Variants in DENND4C observed in about 807,000 individuals in gnomAD.
DENND4C encodes the protein DENN domain-containing protein 4C.
In DENND4C, 108 loss-of-function variants were observed where a neutral mutation model predicts 203.0. The ratio of observed to expected loss-of-function variants is 0.53; its 90% confidence interval spans 0.46 to 0.62. DENND4C has a LOEUF of 0.62. Ranked by LOEUF, DENND4C falls within the 20% of genes least tolerant of loss-of-function variation. The pLI is 0.00. For missense variants in DENND4C, 2,481 were observed against 2,301.2 expected, an observed-to-expected ratio of 1.08 and a Z score of -1.60; for synonymous variants, 871 against 792.4, an observed-to-expected ratio of 1.10 and a Z score of -1.67.
chr9:19,318,599 A>G (rs1310171815), intron 12 of DENND4C, among the ~76,000 whole-genome samples: 2 of 152,160 alleles, frequency 1.3e-5, no homozygotes, highest in African/African-American at 2.4e-5. Flanking sequence ...AACAACAGAA[A>G]TTATTTTCTC....
intron 1 of DENND4C, among the ~76,000 whole-genome samples, chr9:19,266,553 A>G (rs894700812): frequency 6.6e-6 from 1 of 152,214 alleles, no homozygotes; most frequent in Admixed American, 6.5e-5. Flanking sequence ...AGCTGGAGGC[A>G]TCATGCTACG....
chr9:19,336,437 T>C (rs961712514), intron 19 of DENND4C, 23 bp downstream of exon 19: 15 of 1,601,152 alleles, frequency 9.4e-6, no homozygotes, highest in African/African-American at 4.0e-5. Flanking sequence ...ATTAGAAATA[T>C]AATTCCTTAC....
rs766191608 is a variant in DENND4C at position 19,328,074 on chromosome 9, C to T, written c.2165C>T (p.Pro722Leu). The stretch of plus-strand genomic sequence containing the variant: ...CTGGACCTTAAGCTTTTTGACAGAC[C>T]GCAGGAGTTGAAACTTTGTTTTAGT... ...PRLDLKLFDR[P>L]QELKLCFSRH... The change falls in exon 16 of 33, where the codon CCG becomes CTG. Residue 722 changes from proline (P) to leucine (L), a missense_variant. By Grantham distance (98) the Pro-to-Leu change is moderately conservative (BLOSUM62 -3). This residue lies in a region of DENND4C where 2,289 missense variants were observed against 2,113.3 expected (regional missense o/e 1.08). Transcript: ENST00000434457. 49 of 1,612,596 alleles carry T rather than the reference C, an allele frequency of 3.0e-5. No homozygotes were observed. The highest frequency in any genetic ancestry group is 1.7e-4 in the Middle Eastern group (1 of 6,008).
chr9:19,300,433 T>A (rs1288647071), intron 9 of DENND4C, 102 bp downstream of exon 9: 6 of 1,163,876 alleles, frequency 5.2e-6, no homozygotes, highest in Non-Finnish European at 5.6e-6. Context: ...AACAACAAAT[T>A]TAAAAAAAGG....
chr9:19,257,340 A>G (rs980625150), intron 1 of DENND4C, among the ~76,000 whole-genome samples: 3 of 145,998 alleles, frequency 2.1e-5, no homozygotes, highest in Non-Finnish European at 4.5e-5. Context: ...TAGGTGACAG[A>G]GTGACACTCT....
intron 1 of DENND4C, among the ~76,000 whole-genome samples, chr9:19,243,388 A>G (rs182612825): frequency 6.6e-6 from 1 of 152,312 alleles, no homozygotes; most frequent in East Asian, 1.9e-4. Context: ...CATTTTAACC[A>G]CTTAAAATAT....
intron 2 of DENND4C, among the ~76,000 whole-genome samples, chr9:19,277,029 A>G (rs1833020429): frequency 6.6e-6 from 1 of 151,986 alleles, no homozygotes; most frequent in Non-Finnish European, 1.5e-5. Flanking sequence ...AAATGCCTAC[A>G]AAGGTCCACC....
In DENND4C at chr9:19,305,528, G is replaced by A; in HGVS notation, c.1487+1G>A. ...ACTTGGATACGAACATGTTATATGT[G>A]TAAGTTGATTCATTTTATATTATCT... is the stretch of plus-strand genomic sequence containing the variant. On this transcript the variant is annotated splice_donor_variant, in intron 10 of 32. Transcript: ENST00000434457. LOFTEE classifies it high-confidence loss of function. The A allele has an allele frequency of 6.2e-7, 1 of 1,608,588 alleles. No homozygotes were observed. The highest frequency in any genetic ancestry group is 1.1e-5 in the South Asian group (1 of 90,706).
At chr9:19,270,245 A>T (rs1831361232) in intron 1 of DENND4C, among the ~76,000 whole-genome samples, 1 of 152,136 alleles carries the variant, frequency 6.6e-6, no homozygotes, top group Middle Eastern at 3.2e-3. Context: ...TCTCATCAGT[A>T]CAGTAATATT....
At chr9:19,269,243 A>G (rs1374239709) in intron 1 of DENND4C, among the ~76,000 whole-genome samples, 1 of 151,014 alleles carries the variant, frequency 6.6e-6, no homozygotes, top group Non-Finnish European at 1.5e-5. Flanking sequence ...GCTCACTGCA[A>G]CCTCTGCTTC....
At chr9:19,232,783 A>G (rs764929587) in intron 1 of DENND4C, among the ~76,000 whole-genome samples, 2 of 152,222 alleles carry the variant, frequency 1.3e-5, no homozygotes, top group Admixed American at 6.5e-5. Context: ...GCTACTTTCT[A>G]TAAAGAAACA....
chr9:19,278,074 CTTTTTTTTTTTT>C (rs34167347), intron 2 of DENND4C, among the ~76,000 whole-genome samples: 3,150 of 120,318 alleles, frequency 0.026, 124 homozygotes, highest in African/African-American at 0.089. Context: ...CCTTTTTTTT[CTTTTTTTTTTTT>C]TTTTGAACAC....
At chr9:19,347,143 C>G in intron 23 of DENND4C, 57 bp downstream of exon 23, 7 of 1,464,416 alleles carry the variant, frequency 4.8e-6, no homozygotes, top group Non-Finnish European at 6.5e-6. Flanking sequence ...TAGTATCTTT[C>G]TAGAAATATA....
At chr9:19,309,409 C>G (rs1298089273) in intron 10 of DENND4C, among the ~76,000 whole-genome samples, 1 of 135,238 alleles carries the variant, frequency 7.4e-6, no homozygotes, top group Non-Finnish European at 1.6e-5. Context: ...GCAATAAGAG[C>G]AAAACTCCAT....
intron 15 of DENND4C, among the ~76,000 whole-genome samples, chr9:19,327,050 T>C (rs933747168): frequency 6.6e-6 from 1 of 152,122 alleles, no homozygotes; most frequent in Non-Finnish European, 1.5e-5. Context: ...TAATGTATAA[T>C]ATCAAGAGGA....
At chr9:19,254,024 CTG>C (rs1827300108) in intron 1 of DENND4C, among the ~76,000 whole-genome samples, 1 of 152,136 alleles carries the variant, frequency 6.6e-6, no homozygotes, top group African/African-American at 2.4e-5. Context: ...AATTGTTAAA[CTG>C]TATATCTAAG....
chr9:19,371,969 C>A, intron 32 of DENND4C, 68 bp from the exon 33 acceptor site: 2 of 1,507,940 alleles, frequency 1.3e-6, no homozygotes, highest in Non-Finnish European at 1.8e-6. Flanking sequence ...GACTCAATAC[C>A]AATTTGAAAT....
At chr9:19,252,818 C>T (rs1475998882) in intron 1 of DENND4C, among the ~76,000 whole-genome samples, 2 of 152,144 alleles carry the variant, frequency 1.3e-5, no homozygotes, top group Non-Finnish European at 2.9e-5. Context: ...TCACTGCAAC[C>T]TCTGCCTCCG....
chr9:19,303,096 T>C lies in DENND4C; in HGVS notation c.1312-2256T>C, dbSNP rs532759596. Among the ~76,000 whole-genome samples the C allele has an allele frequency of 5.3e-5, 8 of 152,294 alleles. No homozygotes were observed. In the East Asian group the frequency reaches 7.7e-4, roughly 15 times the overall value. Reference sequence around the variant, plus strand: ...AAGAAGTGCTTTGGATTGAGGACTTTTTTGGATTTTGGCATGTTTGCAGAA... The same window carrying C: ...AAGAAGTGCTTTGGATTGAGGACTTCTTTGGATTTTGGCATGTTTGCAGAA... On this transcript the variant is annotated intron_variant, in intron 9 of 32. Coordinates refer to ENST00000434457, the MANE Select transcript of DENND4C (RefSeq NM_001330640.2).
Sources: gnomAD v4.1 joint callset for allele counts (sites outside exome capture counted in the v4.1 genomes callset) on GRCh38, gnomAD v4.1.1 for gene constraint, gnomAD v4.1.1 regional missense constraint, MANE v1.5 for transcripts, NCBI Gene and HGNC (gene_info 2026-07-23, HGNC 2026-07-21) for gene names.